EPHB1: variants seen among roughly 807,000 people sequenced by gnomAD.
EPHB1 encodes the protein EPH receptor B1.
In EPHB1, 30 loss-of-function variants were observed where a neutral mutation model predicts 94.4. That is an observed-to-expected ratio of 0.32 (90% CI 0.24 to 0.43). The LOEUF is 0.43. Ranked by LOEUF, EPHB1 falls within the 20% of genes least tolerant of loss-of-function variation. The probability of loss-of-function intolerance (pLI) is 1.00; values close to 1 mark genes in which losing one functional copy is unlikely to be tolerated. For missense variants in EPHB1, 1,055 were observed against 1,308.3 expected, an observed-to-expected ratio of 0.81 and a Z score of 2.99; for synonymous variants, 522 against 489.1, an observed-to-expected ratio of 1.07 and a Z score of -0.89.
chr3:135,010,480 G>A (rs1474413870), intron 3 of EPHB1, among the ~76,000 whole-genome samples: 2 of 151,468 alleles, frequency 1.3e-5, no homozygotes, highest in African/African-American at 4.9e-5. Context: ...AGTATATTAA[G>A]TGCTTGGGTA....
At chr3:135,096,911 C>T (rs1576380528) in intron 3 of EPHB1, among the ~76,000 whole-genome samples, 1 of 152,024 alleles carries the variant, frequency 6.6e-6, no homozygotes, top group African/African-American at 2.4e-5. Flanking sequence ...TCCTGGCTAA[C>T]ACGGTGAAAC....
intron 5 of EPHB1, among the ~76,000 whole-genome samples, chr3:135,145,249 T>C (rs1940972548): frequency 6.6e-6 from 1 of 152,230 alleles, no homozygotes; most frequent in Admixed American, 6.5e-5. Flanking sequence ...TGTTCTTCTT[T>C]GGTCATGAGT....
chr3:134,800,661 G>A (rs1407483226), intron 1 of EPHB1, among the ~76,000 whole-genome samples: 1 of 152,222 alleles, frequency 6.6e-6, no homozygotes, highest in East Asian at 1.9e-4. Context: ...ACAGTCAGAA[G>A]TCCTAATAGG....
intron 5 of EPHB1, among the ~76,000 whole-genome samples, chr3:135,141,145 CTTTT>C (rs59743607): frequency 1.4e-4 from 18 of 131,278 alleles, no homozygotes; most frequent in East Asian, 2.2e-4. Flanking sequence ...CTTTCCTTTC[CTTTT>C]TTTTTTTTTT....
At chr3:135,170,951 C>G (rs1172939744) in intron 9 of EPHB1, among the ~76,000 whole-genome samples, 1 of 152,182 alleles carries the variant, frequency 6.6e-6, no homozygotes, top group Admixed American at 6.5e-5. Flanking sequence ...TGTTGGTGAA[C>G]TTTGGGAAAA....
At chr3:135,145,578 G>A (rs559870789) in intron 5 of EPHB1, among the ~76,000 whole-genome samples, 107 of 152,250 alleles carry the variant, frequency 7.0e-4, no homozygotes, top group African/African-American at 2.4e-3. Flanking sequence ...TTATACTTCA[G>A]GGAGAACTTT....
chr3:134,949,958 T>G (rs1287829392), intron 2 of EPHB1, among the ~76,000 whole-genome samples: 1 of 152,148 alleles, frequency 6.6e-6, no homozygotes, highest in Non-Finnish European at 1.5e-5. Flanking sequence ...CTGACTCCCC[T>G]CCAACCCTCA....
intron 1 of EPHB1, among the ~76,000 whole-genome samples, chr3:134,898,514 C>A (rs1373776834): frequency 1.3e-5 from 2 of 152,146 alleles, no homozygotes; most frequent in Non-Finnish European, 2.9e-5. Flanking sequence ...CAGGCCAACC[C>A]CCATGCTCCC....
chr3:135,218,124 A>G (rs1943197392), intron 12 of EPHB1, among the ~76,000 whole-genome samples: 1 of 152,084 alleles, frequency 6.6e-6, no homozygotes, highest in Non-Finnish European at 1.5e-5. Flanking sequence ...TTGGGTGGGT[A>G]GGAAAGTGGA....
intron 3 of EPHB1, among the ~76,000 whole-genome samples, chr3:135,046,363 C>G (rs1351053641): frequency 1.3e-5 from 2 of 152,156 alleles, no homozygotes; most frequent in African/African-American, 4.8e-5. Context: ...TTGAGGATCT[C>G]TTCTTCTTTT....
At chr3:135,035,899 A>G (rs543870668) in intron 3 of EPHB1, among the ~76,000 whole-genome samples, 1 of 138,712 alleles carries the variant, frequency 7.2e-6, no homozygotes, top group South Asian at 2.4e-4. Context: ...TAGTTGGCTC[A>G]TGGGATTTGC....
In EPHB1 at chr3:134,995,322, T is replaced by C. The variant is rs114234504; in HGVS notation, c.805+43270T>C. On this transcript the variant is annotated intron_variant, in intron 3 of 15. Coordinates refer to ENST00000398015, the MANE Select transcript of EPHB1 (RefSeq NM_004441.5). ...CCATACAAGTTGTTGTGAATATTAA[T>C]GGTCCATTCCTTTTATTGCTGAGTA... 2.1e-3 allele frequency among the ~76,000 whole-genome samples: 318 copies of C among 152,312 alleles called. 1 individual carries two copies. Among genetic ancestry groups the C allele is most frequent in the African/African-American group, 7.5e-3 (313 of 41,566 alleles).
chr3:135,111,740 C>T (rs957331263), intron 4 of EPHB1, among the ~76,000 whole-genome samples: 4 of 152,120 alleles, frequency 2.6e-5, no homozygotes, highest in Admixed American at 6.5e-5. Context: ...ACTGCAGTGG[C>T]GTGATCTCAG....
chr3:135,147,176 C>G (rs78617072), intron 5 of EPHB1, among the ~76,000 whole-genome samples: 2 of 152,128 alleles, frequency 1.3e-5, no homozygotes, highest in Non-Finnish European at 1.5e-5. Context: ...CTGAGCTGGG[C>G]CCTAGGCTCC....
intron 12 of EPHB1, among the ~76,000 whole-genome samples, chr3:135,227,726 A>G (rs1218935720): frequency 6.6e-6 from 1 of 152,218 alleles, no homozygotes; most frequent in Non-Finnish European, 1.5e-5. Flanking sequence ...TAGATCAAAG[A>G]ATTTGCACAT....
chr3:134,920,387 T>C (rs996857678), intron 1 of EPHB1, among the ~76,000 whole-genome samples: 1 of 152,172 alleles, frequency 6.6e-6, no homozygotes, highest in Non-Finnish European at 1.5e-5. Context: ...TATTTCATAG[T>C]GTGGCTTTCA....
chr3:135,006,682 G>A (rs1307453118), intron 3 of EPHB1, among the ~76,000 whole-genome samples: 1 of 152,164 alleles, frequency 6.6e-6, no homozygotes, highest in Non-Finnish European at 1.5e-5. Flanking sequence ...GAGAGAATGA[G>A]AGGAGAATGC....
intron 3 of EPHB1, among the ~76,000 whole-genome samples, chr3:135,053,578 T>C (rs1194064979): frequency 1.3e-5 from 2 of 152,220 alleles, no homozygotes; most frequent in African/African-American, 4.8e-5. Context: ...CAATAGTTGT[T>C]TGATGCTCTC....
intron 3 of EPHB1, among the ~76,000 whole-genome samples, chr3:135,099,461 G>T (rs1439462595): frequency 6.6e-6 from 1 of 152,164 alleles, no homozygotes; most frequent in Non-Finnish European, 1.5e-5. Flanking sequence ...CTCCCATAAG[G>T]CTTTGAGTCC....
Sources: allele counts gnomAD v4.1 joint callset (sites outside exome capture counted in the v4.1 genomes callset), GRCh38; gene constraint gnomAD v4.1.1; transcripts MANE v1.5; gene names NCBI Gene and HGNC (gene_info 2026-07-23, HGNC 2026-07-21).